DTNA: variants seen among roughly 807,000 people sequenced by gnomAD.
The protein encoded by DTNA is dystrophin-related protein 3.
A neutral mutation model predicts 100.7 loss-of-function variants in DTNA; 43 were observed. The observed-to-expected ratio is 0.43, with a 90% CI of 0.33 to 0.55. The LOEUF (loss-of-function observed/expected upper bound fraction) is 0.55, where lower values mean the gene tolerates loss of function less well. Among genes scored for constraint, DTNA ranks in the 20% least tolerant of loss-of-function variants. DTNA has a pLI of 0.04. For missense variants in DTNA, 798 were observed against 953.9 expected, an observed-to-expected ratio of 0.84 and a Z score of 2.15; for synonymous variants, 349 against 347.9, an observed-to-expected ratio of 1.00 and a Z score of -0.04.
chr18:34,861,930 A>G (rs565344167), intron 16 of DTNA, among the ~76,000 whole-genome samples: 15 of 152,280 alleles, frequency 9.9e-5, no homozygotes, highest in Middle Eastern at 6.8e-3. Context: ...TAGTTTTTAA[A>G]TGCTTCTCTT....
intron 1 of DTNA, among the ~76,000 whole-genome samples, chr18:34,680,658 T>C (rs1008098913): frequency 6.6e-6 from 1 of 152,156 alleles, no homozygotes; most frequent in Non-Finnish European, 1.5e-5. Flanking sequence ...TTATAGAGAT[T>C]GGATTTAGAA....
At chr18:34,527,330 C>T (rs962188021) in intron 1 of DTNA, among the ~76,000 whole-genome samples, 1 of 152,012 alleles carries the variant, frequency 6.6e-6, no homozygotes, top group South Asian at 2.1e-4. Flanking sequence ...GCCTGCTCGT[C>T]AAGAAATAGA....
In DTNA at chr18:34,890,993, C is replaced by T. The variant is rs572040291; in HGVS notation, c.*3259C>T. ...AGCAACCTTTGGTTGCTGCATTCCC[C>T]TTGGTTCGATTCCACGCAAGGAGCC... On this transcript the variant is annotated 3_prime_UTR_variant, in exon 23 of 23. Coordinates refer to ENST00000444659, the MANE Select transcript of DTNA (RefSeq NM_001386795.1). 7.9e-5 allele frequency: 12 copies of T among 152,792 alleles called. No individual in the cohort carries two copies. The highest frequency in any genetic ancestry group is 2.9e-4 in the African/African-American group (12 of 41,534). 9.5% of individuals were successfully genotyped at this position (152,792 alleles called of 1,614,324 possible). A position where few individuals can be genotyped will look rare whatever the true frequency, so the allele number is the denominator to read the frequency against.
intron 1 of DTNA, among the ~76,000 whole-genome samples, chr18:34,576,224 C>G (rs1476934325): frequency 6.6e-6 from 1 of 152,104 alleles, no homozygotes; most frequent in Non-Finnish European, 1.5e-5. Context: ...TATTGCATGT[C>G]CTGTGTCACA....
intron 1 of DTNA, chr18:34,574,204 A>G (rs2047885198): frequency 6.5e-6 from 1 of 152,708 alleles, no homozygotes; most frequent in Non-Finnish European, 1.5e-5. Context: ...TTTGGCCAAC[A>G]TATTCCCGTT....
Position 34,794,186 on chromosome 18 carries a change from C to T in DTNA, c.298C>T (p.His100Tyr), listed in dbSNP as rs959010180. The T allele has an allele frequency of 3.7e-6, 6 of 1,614,068 alleles. No homozygotes were observed. The highest frequency in any genetic ancestry group is 3.3e-5 in the Admixed American group (2 of 60,006). Residue 100 changes from histidine (H) to tyrosine (Y), a missense_variant, in exon 4 of 23, where the codon CAC becomes TAC. His to Tyr is a moderately conservative substitution (Grantham distance 83, BLOSUM62 2). Transcript: ENST00000444659. ...YQLNKRMPTT[H>Y]QIHVEQSISL... ...GCTCAACAAACGGATGCCAACCACT[C>T]ACCAAATCCATGTGGAGCAGTCCAT...
chr18:34,689,003 A>G (rs1473553778), intron 1 of DTNA, among the ~76,000 whole-genome samples: 1 of 152,008 alleles, frequency 6.6e-6, no homozygotes, highest in Admixed American at 6.5e-5. Flanking sequence ...CAGGTCATTT[A>G]TGTTCTTCTC....
rs1047472234 is a variant in DTNA at position 34,517,119 on chromosome 18, C to G, written c.-2+23605C>G. Among the ~76,000 whole-genome samples the G allele has an allele frequency of 5.9e-5, 9 of 152,076 alleles. No individual in the cohort carries two copies. In the South Asian group the frequency reaches 8.3e-4, roughly 14 times the overall value. ...CATGGCTTCAGCTGGTCCCTCTGTT[C>G]GGGGTCCCTGACTTCCCACAACACT... On this transcript the variant is annotated intron_variant, in intron 1 of 19. Coordinates refer to the DTNA transcript ENST00000283365.
At chr18:34,817,911 TG>T (rs1381322017) in intron 7 of DTNA, 60 of 1,306,350 alleles carry the variant, frequency 4.6e-5, no homozygotes, top group Non-Finnish European at 5.9e-5. Flanking sequence ...AAAGAGCAAA[TG>T]GCATTACAGA....
chr18:34,767,897 C>T (rs1011055625), intron 3 of DTNA, among the ~76,000 whole-genome samples: 4 of 152,134 alleles, frequency 2.6e-5, no homozygotes, highest in African/African-American at 9.7e-5. Flanking sequence ...TCACAGGAAG[C>T]TAAAGCAATC....
chr18:34,591,780 T>C (rs1328547532), intron 1 of DTNA, among the ~76,000 whole-genome samples: 4 of 152,224 alleles, frequency 2.6e-5, no homozygotes, highest in Non-Finnish European at 4.4e-5. Context: ...TGTTTCTATC[T>C]TTTGATCTTT....
intron 17 of DTNA, 115 bp from the exon 18 acceptor site, chr18:34,875,124 T>C (rs769541584): frequency 6.9e-7 from 1 of 1,459,374 alleles, no homozygotes; most frequent in Non-Finnish European, 9.3e-7. Context: ...TACCTAGGAT[T>C]TCCTCCTGCT....
chr18:34,659,431 C>G (rs2074855907), intron 1 of DTNA, among the ~76,000 whole-genome samples: 1 of 152,068 alleles, frequency 6.6e-6, no homozygotes, highest in South Asian at 2.1e-4. Flanking sequence ...TTCAACTGCT[C>G]AATAGCCACA....
At chr18:34,607,084 G>T (rs563776101) in intron 1 of DTNA, among the ~76,000 whole-genome samples, 9 of 152,142 alleles carry the variant, frequency 5.9e-5, no homozygotes, top group Non-Finnish European at 1.0e-4. Context: ...TCAAGTATTT[G>T]CATTTTACTT....
In DTNA at chr18:34,667,031, G is replaced by A. The variant is rs557224351; in HGVS notation, c.-1-88945G>A. 8.8e-4 allele frequency among the ~76,000 whole-genome samples: 134 copies of A among 152,168 alleles called. 1 individual carries two copies. The highest frequency in any genetic ancestry group is 3.9e-4 in the East Asian group (2 of 5,168). ...CTTTGGGCAGTATGGCCATTTTCACGATATTGATTCTTCCTATCCATGAGC... is the reference window on the plus strand; with the variant it reads ...CTTTGGGCAGTATGGCCATTTTCACAATATTGATTCTTCCTATCCATGAGC... On this transcript the variant is annotated intron_variant, in intron 1 of 19. Coordinates refer to the DTNA transcript ENST00000283365.
intron 1 of DTNA, among the ~76,000 whole-genome samples, chr18:34,581,597 G>A (rs2048639766): frequency 6.6e-6 from 1 of 151,084 alleles, no homozygotes; most frequent in African/African-American, 2.4e-5. Flanking sequence ...GGGGCAATAT[G>A]GCAGTCAGGC....
intron 1 of DTNA, among the ~76,000 whole-genome samples, chr18:34,738,844 C>T (rs963500257): frequency 5.3e-5 from 8 of 152,246 alleles, no homozygotes; most frequent in African/African-American, 1.7e-4. Flanking sequence ...AGAAAGTTTC[C>T]GAGATCATGT....
At chr18:34,750,429 T>C (rs904689678) in intron 1 of DTNA, among the ~76,000 whole-genome samples, 1 of 152,218 alleles carries the variant, frequency 6.6e-6, no homozygotes, top group Non-Finnish European at 1.5e-5. Flanking sequence ...CATCCTTCTT[T>C]TGGCCTGTTA....
chr18:34,580,908 C>T (rs1014098713), intron 1 of DTNA, among the ~76,000 whole-genome samples: 3 of 152,064 alleles, frequency 2.0e-5, no homozygotes, highest in African/African-American at 7.2e-5. Flanking sequence ...GGTTGTGGGG[C>T]CTCAGTATTC....
Sources: gnomAD v4.1 joint callset for allele counts (sites outside exome capture counted in the v4.1 genomes callset) on GRCh38, gnomAD v4.1.1 for gene constraint, MANE v1.5 for transcripts, NCBI Gene and HGNC (gene_info 2026-07-23, HGNC 2026-07-21) for gene names.